CYP27C1: variants seen among roughly 807,000 people sequenced by gnomAD.
CYP27C1 encodes the protein cytochrome P450 27C1.
A neutral mutation model predicts 40.6 loss-of-function variants in CYP27C1; 29 were observed. The observed-to-expected ratio is 0.71, with a 90% CI of 0.53 to 0.97. CYP27C1 has a LOEUF of 0.97. Ranked by LOEUF, CYP27C1 falls within the 50% of genes least tolerant of loss-of-function variation. The pLI is 0.00. For missense variants in CYP27C1, 390 were observed against 485.8 expected (o/e 0.80, Z 1.85); for synonymous variants, 198 against 186.8 (o/e 1.06, Z -0.49).
At chr2:127,194,333 T>C (rs1314573068) in intron 6 of CYP27C1, among the ~76,000 whole-genome samples, 9 of 152,220 alleles carry the variant, frequency 5.9e-5, no homozygotes, top group Non-Finnish European at 1.2e-4. Context: ...TGCTTCTTTT[T>C]TTTTAATTTT....
Position 127,211,253 on chromosome 2 carries a change from C to T in CYP27C1, c.283-5163G>A, listed in dbSNP as rs1338431854. ...GGAAATTGAACAACCTGCTCCTGAA[C>T]GACTCCTGGGTAAATAATGAAATTA... is the stretch of plus-strand genomic sequence containing the variant. On this transcript the variant is annotated intron_variant, in intron 1 of 8. Transcript: ENST00000664447. Among the ~76,000 whole-genome samples, 4 of 151,626 alleles carry T rather than the reference C, an allele frequency of 2.6e-5. No homozygotes were observed. In the East Asian group the frequency reaches 7.7e-4, roughly 29 times the overall value.
chr2:127,203,903 G>A (rs113815201), intron 2 of CYP27C1, among the ~76,000 whole-genome samples: 7 of 151,736 alleles, frequency 4.6e-5, no homozygotes, highest in African/African-American at 1.7e-4. Context: ...TTGCTAATTA[G>A]CAAAAGAAAA....
Position 127,219,307 on chromosome 2 carries a change from C to T in CYP27C1, c.282+682G>A, listed in dbSNP as rs1305097975. Among the ~76,000 whole-genome samples, 2 of 152,186 alleles carry T rather than the reference C, an allele frequency of 1.3e-5. No individual in the cohort carries two copies. Among genetic ancestry groups the T allele is most frequent in the South Asian group, 2.1e-4 (1 of 4,822 alleles). On this transcript the variant is annotated intron_variant, in intron 1 of 8. Transcript: ENST00000664447. This position sits in a 1 kb window ranked among gnomAD's most constrained non-coding sequence, Gnocchi z 8.7. Reference sequence around the variant, plus strand: ...CCAGCTCTCCACTCCCAGGCCCCGGCGGCGTCCACCAGGCGCCCGCTGCCC... The same window carrying T: ...CCAGCTCTCCACTCCCAGGCCCCGGTGGCGTCCACCAGGCGCCCGCTGCCC...
chr2:127,211,361 GTTTTTTTGTTTTTTTTTTTTTTTTT>G (rs1683332494), intron 1 of CYP27C1, among the ~76,000 whole-genome samples: 1 of 103,598 alleles, frequency 9.7e-6, no homozygotes, highest in Non-Finnish European at 1.9e-5. Context: ...CTAAAGCAGT[GTTTTTTTGTTTTTTTTTTTTTTTTT>G]TTTTTTTTTT....
At chr2:127,192,137 T>C (rs753627708) in intron 8 of CYP27C1, among the ~76,000 whole-genome samples, 1 of 152,114 alleles carries the variant, frequency 6.6e-6, no homozygotes, top group Non-Finnish European at 1.5e-5. Flanking sequence ...GCATGACTTG[T>C]AGGGGAAAAG....
At chr2:127,210,243 T>G (rs2104698168) in intron 1 of CYP27C1, among the ~76,000 whole-genome samples, 1 of 152,274 alleles carries the variant, frequency 6.6e-6, no homozygotes, top group South Asian at 2.1e-4. Flanking sequence ...AACCCAGACT[T>G]TCATATCCAG....
chr2:127,214,542 A>C (rs4417667), intron 1 of CYP27C1, among the ~76,000 whole-genome samples: 2,122 of 152,260 alleles, frequency 0.014, 56 homozygotes, highest in African/African-American at 0.048. Context: ...AGCTGGAAGC[A>C]ATCATCCTCA....
rs1247911627 is a variant in CYP27C1 at position 127,218,602 on chromosome 2, T to C, written c.282+1387A>G. On this transcript the variant is annotated intron_variant, in intron 1 of 8. Transcript: ENST00000664447. This position sits in a 1 kb window ranked among gnomAD's most constrained non-coding sequence, Gnocchi z 6.0. ...TGCTCCTCGCACGCCCGTTTTTCCA[T>C]TAATGAGGGTTGGGGCTTCTCCCTC... is the stretch of plus-strand genomic sequence containing the variant. 6.6e-6 allele frequency among the ~76,000 whole-genome samples: 1 copy of C among 152,118 alleles called. No homozygotes were observed. Among genetic ancestry groups the C allele is most frequent in the African/African-American group, 2.4e-5 (1 of 41,424 alleles).
At chr2:127,212,728 C>A (rs1173287332) in intron 1 of CYP27C1, among the ~76,000 whole-genome samples, 1 of 152,136 alleles carries the variant, frequency 6.6e-6, no homozygotes. Flanking sequence ...TGGACAAAAA[C>A]TGGAAGCATT....
At chr2:127,204,320 AGGAGGGAG>A (rs1222549053) in intron 2 of CYP27C1, among the ~76,000 whole-genome samples, 2 of 41,958 alleles carry the variant, frequency 4.8e-5, no homozygotes, top group Non-Finnish European at 7.8e-5. Context: ...GAAGGAAGGA[AGGAGGGAG>A]GGAGGGAGGG....
rs1280678975 is a variant in CYP27C1 at position 127,186,491 on chromosome 2, T to G, written c.*780A>C. On this transcript the variant is annotated 3_prime_UTR_variant, in exon 9 of 9. Transcript: ENST00000664447. This position sits in a 1 kb window ranked among gnomAD's most constrained non-coding sequence, Gnocchi z 4.5. ...TAGATAGCTCACTGCAGACCCAACC[T>G]CCTGAGCTCAAACGATCCTCCTGCC... 1.3e-5 allele frequency: 2 copies of G among 151,994 alleles called. No homozygotes were observed. The highest frequency in any genetic ancestry group is 2.9e-5 in the Non-Finnish European group (2 of 68,014). 9.4% of individuals were successfully genotyped at this position (151,994 alleles called of 1,614,324 possible).
At position 127,208,131 on chromosome 2, in the gene CYP27C1, C is replaced by T. The variant is rs1385985001; in HGVS notation, c.283-2041G>A. The stretch of plus-strand genomic sequence containing the variant: ...TAGAAGCAGTGGTGCTCAGAGGCTC[C>T]CATCAAAAAAAACATAATAAGCATG... On this transcript the variant is annotated intron_variant, in intron 1 of 8. Coordinates refer to ENST00000664447, the MANE Select transcript of CYP27C1 (RefSeq NM_001367502.1). This position sits in a 1 kb window ranked among gnomAD's most constrained non-coding sequence, Gnocchi z 5.2. Among the ~76,000 whole-genome samples, 1 of 152,096 alleles carries T rather than the reference C, an allele frequency of 6.6e-6. No individual in the cohort carries two copies. The highest frequency in any genetic ancestry group is 1.9e-4 in the East Asian group (1 of 5,196).
In CYP27C1 at chr2:127,184,787, A is replaced by G. The variant is rs183139968; in HGVS notation, c.*2484T>C. 2 of 152,256 alleles carry G rather than the reference A, an allele frequency of 1.3e-5. No homozygotes were observed. The highest frequency in any genetic ancestry group is 4.8e-5 in the African/African-American group (2 of 41,514). 9.4% of individuals were successfully genotyped at this position (152,256 alleles called of 1,614,324 possible). ...ACATTGGTCCTATAGACCTCACTCT[A>G]TTCTGGATTTTGCTGACTGCATCCC... On this transcript the variant is annotated 3_prime_UTR_variant, in exon 9 of 9. Coordinates refer to ENST00000664447, the MANE Select transcript of CYP27C1 (RefSeq NM_001367502.1).
Position 127,208,595 on chromosome 2 carries a change from C to A in CYP27C1, c.283-2505G>T, listed in dbSNP as rs1192774499. ...CAGCACTGGGACTCACAACTGCCAA[C>A]AGGCTAAGCTCCCTGGGTTGGGGAA... On this transcript the variant is annotated intron_variant, in intron 1 of 8. Coordinates refer to ENST00000664447, the MANE Select transcript of CYP27C1 (RefSeq NM_001367502.1). The surrounding 1 kb of genome is among the most constrained non-coding windows in gnomAD (Gnocchi z 5.2). Among the ~76,000 whole-genome samples, 1 of 152,244 alleles carries A rather than the reference C, an allele frequency of 6.6e-6. No homozygotes were observed. The highest frequency in any genetic ancestry group is 1.5e-5 in the Non-Finnish European group (1 of 68,036).
chr2:127,205,203 G>A (rs1683198812), intron 2 of CYP27C1, among the ~76,000 whole-genome samples: 1 of 152,216 alleles, frequency 6.6e-6, no homozygotes, highest in Non-Finnish European at 1.5e-5. Context: ...TTTCCCCCAG[G>A]ACGGAAATTG....
intron 1 of CYP27C1, among the ~76,000 whole-genome samples, chr2:127,210,405 A>T (rs1422808736): frequency 6.6e-6 from 1 of 152,354 alleles, no homozygotes; most frequent in East Asian, 1.9e-4. Flanking sequence ...CACTGCAAAA[A>T]CACACCAAAA....
At chr2:127,204,512 AGAAG>A (rs371754035) in intron 2 of CYP27C1, among the ~76,000 whole-genome samples, 2,133 of 49,512 alleles carry the variant, frequency 0.043, 306 homozygotes, top group East Asian at 0.1. Flanking sequence ...AAGGAAAGAA[AGAAG>A]GAAAGAAAGA....
intron 2 of CYP27C1, 114 bp downstream of exon 2, chr2:127,205,786 G>C (rs1326914315): frequency 2.0e-6 from 2 of 982,970 alleles, no homozygotes; most frequent in African/African-American, 1.7e-5. Flanking sequence ...TCATTCCATG[G>C]GGGGGTTCTG....
In CYP27C1 at chr2:127,209,069, G is replaced by T. The variant is rs1683288432; in HGVS notation, c.283-2979C>A. Among the ~76,000 whole-genome samples the T allele has an allele frequency of 6.6e-6, 1 of 152,196 alleles. No homozygotes were observed. The highest frequency in any genetic ancestry group is 2.4e-5 in the African/African-American group (1 of 41,438). The stretch of plus-strand genomic sequence containing the variant: ...TGGGTGAGACCCTCCAATAGGGGTT[G>T]TCAGATACCCTATACAGAAGCAATC... On this transcript the variant is annotated intron_variant, in intron 1 of 8. Transcript: ENST00000664447. This position sits in a 1 kb window ranked among gnomAD's most constrained non-coding sequence, Gnocchi z 4.1.
Sources: allele counts gnomAD v4.1 joint callset (sites outside exome capture counted in the v4.1 genomes callset), GRCh38; gene constraint gnomAD v4.1.1; non-coding constraint Gnocchi (gnomAD v3.1); transcripts MANE v1.5; gene names NCBI Gene and HGNC (gene_info 2026-07-23, HGNC 2026-07-21).